Variants in KIF13A observed in about 807,000 individuals in gnomAD.
KIF13A encodes kinesin family member 13A.
KIF13A carries 79 observed loss-of-function variants against 212.2 expected under a neutral mutation model. That is an observed-to-expected ratio of 0.37 (90% CI 0.31 to 0.45). The LOEUF is 0.45. Ranked by LOEUF, KIF13A falls within the 20% of genes least tolerant of loss-of-function variation. KIF13A has a pLI of 1.00. For synonymous variants in KIF13A, 789 were observed against 808.6 expected (o/e 0.98, Z 0.41); for missense variants, 1,901 against 2,209.0 (o/e 0.86, Z 2.79).
rs1171300091 is a variant in KIF13A, at chr6:17,914,632, C to CA, written c.147-16453dup. ...AAAACAACACAGAGACGACTCTAGT[C>CA]ACGGGTCACAGGCATCAGGTAAAGT... On this transcript the variant is annotated intron_variant, in intron 2 of 38. Coordinates refer to ENST00000259711, the MANE Select transcript of KIF13A (RefSeq NM_022113.6). This position sits in a 1 kb window ranked among gnomAD's most constrained non-coding sequence, Gnocchi z 5.9. 2.0e-5 allele frequency among the ~76,000 whole-genome samples: 3 copies of CA among 152,104 alleles called. No individual in the cohort carries two copies. Among genetic ancestry groups the CA allele is most frequent in the Non-Finnish European group, 4.4e-5 (3 of 68,018 alleles).
chr6:17,793,345 G>T (rs1305707211), intron 25 of KIF13A, among the ~76,000 whole-genome samples: 1 of 152,014 alleles, frequency 6.6e-6, no homozygotes, highest in East Asian at 1.9e-4. Context: ...GCCTCCCAAA[G>T]TGCTGGGATT....
At chr6:17,985,632 C>CCGGGGGGGGGGGGGGGGGGGG (rs112580662) in intron 2 of KIF13A, among the ~76,000 whole-genome samples, 1 of 38,206 alleles carries the variant, frequency 2.6e-5, no homozygotes, top group South Asian at 7.7e-4. Context: ...ATGCAGTTTG[C>CCGGGGGGGGGGGGGGGGGGGG]GGGGGGGTGG....
chr6:17,780,433 G>A (rs1490598529), intron 31 of KIF13A, among the ~76,000 whole-genome samples: 2 of 152,186 alleles, frequency 1.3e-5, no homozygotes, highest in African/African-American at 4.8e-5. Flanking sequence ...CTTGGACCTG[G>A]CACTTAATCT....
chr6:17,761,511 G>A (rs1758585510), downstream of KIF13A, among the ~76,000 whole-genome samples: 1 of 151,934 alleles, frequency 6.6e-6, no homozygotes, highest in Non-Finnish European at 1.5e-5. Flanking sequence ...AGCCTCCCGA[G>A]TAGCTGGGAT....
At position 17,816,903 on chromosome 6, in the gene KIF13A, T is replaced by C; in HGVS notation, c.2000+117A>G. ...AAAAGCTAATTGGCAATATCACGTA[T>C]GGGATTAAGAGTTCTCTTGTTGCTA... On this transcript the variant is annotated intron_variant, in intron 17 of 38. Coordinates refer to ENST00000259711, the MANE Select transcript of KIF13A (RefSeq NM_022113.6). This position sits in a 1 kb window ranked among gnomAD's most constrained non-coding sequence, Gnocchi z 4.3. 1.4e-6 allele frequency: 1 copy of C among 715,840 alleles called. No individual in the cohort carries two copies. The highest frequency in any genetic ancestry group is 2.7e-5 in the East Asian group (1 of 36,952). The allele number at this position is 715,840 out of a possible 1,614,324, so 44.3% of individuals were successfully genotyped here.
In KIF13A at chr6:17,763,961, C is replaced by T. The variant is rs1315223957; in HGVS notation, c.*149G>A. 7.6e-6 allele frequency: 11 copies of T among 1,444,344 alleles called. No homozygotes were observed. The South Asian group carries it at 1.2e-4, about 16-fold the overall frequency. 89.5% of individuals were successfully genotyped at this position (1,444,344 alleles called of 1,614,324 possible). On this transcript the variant is annotated 3_prime_UTR_variant, in exon 39 of 39. Coordinates refer to ENST00000259711, the MANE Select transcript of KIF13A (RefSeq NM_022113.6). The stretch of plus-strand genomic sequence containing the variant: ...CACAATTGCGTTCTAGTTCCCAAAA[C>T]AGACTTGCTCTCCGACAGAGACAGC...
At chr6:17,795,288 T>C (rs2150325067) in intron 23 of KIF13A, among the ~76,000 whole-genome samples, 1 of 152,242 alleles carries the variant, frequency 6.6e-6, no homozygotes, top group Non-Finnish European at 1.5e-5. Context: ...AACACTGCCA[T>C]GAACATCGTA....
rs1465815668 is a variant in KIF13A, at chr6:17,926,342, C to T, written c.147-28162G>A. Among the ~76,000 whole-genome samples, 2 of 152,152 alleles carry T rather than the reference C, an allele frequency of 1.3e-5. No homozygotes were observed. The highest frequency in any genetic ancestry group is 1.9e-4 in the East Asian group (1 of 5,188). The stretch of plus-strand genomic sequence containing the variant: ...CTGTCTCCTGGGTTCAAGTGATTCT[C>T]GTGCCTCAGTCTCCCGAGTAGCTGG... On this transcript the variant is annotated intron_variant, in intron 2 of 38. Coordinates refer to ENST00000259711, the MANE Select transcript of KIF13A (RefSeq NM_022113.6). This position sits in a 1 kb window ranked among gnomAD's most constrained non-coding sequence, Gnocchi z 4.3.
intron 17 of KIF13A, among the ~76,000 whole-genome samples, chr6:17,810,336 C>T (rs1763325234): frequency 6.6e-6 from 1 of 152,248 alleles, no homozygotes; most frequent in Non-Finnish European, 1.5e-5. Context: ...TTCCTCGGCT[C>T]AAGGCCTTGC....
chr6:17,868,551 G>GT (rs550655003), intron 4 of KIF13A, among the ~76,000 whole-genome samples: 37,118 of 141,230 alleles, frequency 0.26, 4,746 homozygotes, highest in South Asian at 0.34. Context: ...GGTTATTTCT[G>GT]TTTTTTTTTT....
chr6:17,827,091 A>T (rs1013283213), intron 14 of KIF13A, among the ~76,000 whole-genome samples: 1 of 151,804 alleles, frequency 6.6e-6, no homozygotes, highest in African/African-American at 2.4e-5. Flanking sequence ...ATAAATAAAT[A>T]AAATAATTTT....
intron 2 of KIF13A, among the ~76,000 whole-genome samples, chr6:17,975,208 G>C (rs1270283955): frequency 6.6e-6 from 1 of 152,128 alleles, no homozygotes; most frequent in Non-Finnish European, 1.5e-5. Flanking sequence ...AAAAAAACTA[G>C]CAGGCGGGGT....
At chr6:17,910,174 G>A (rs1185770334) in intron 2 of KIF13A, among the ~76,000 whole-genome samples, 1 of 152,152 alleles carries the variant, frequency 6.6e-6, no homozygotes, top group South Asian at 2.1e-4. Context: ...ACAATAGTCC[G>A]TATTTAAAAA....
At chr6:17,881,385 C>A in intron 3 of KIF13A, 1 of 395,666 alleles carries the variant, frequency 2.5e-6, no homozygotes, top group Non-Finnish European at 4.8e-6. Context: ...TACAGTTAAA[C>A]TCCACTTTTA....
intron 2 of KIF13A, among the ~76,000 whole-genome samples, chr6:17,927,966 G>C (rs1704599651): frequency 6.6e-6 from 1 of 152,224 alleles, no homozygotes; most frequent in South Asian, 2.1e-4. Flanking sequence ...TCAGCCAGCT[G>C]ATATGTGAAA....
At chr6:17,983,426 CTCCCTTCACCCCACTCCA>C (rs1466246296) in intron 2 of KIF13A, among the ~76,000 whole-genome samples, 70 of 151,322 alleles carry the variant, frequency 4.6e-4, no homozygotes, top group African/African-American at 1.6e-3. Context: ...CATTCCATTG[CTCCCTTCACCCCACTCCA>C]TCCCTTCACC....
rs1771603352 is a variant in KIF13A, at chr6:17,886,951, A to AT, written c.159+11216dup. ...ATGATTTATAATGACAAAGTGTGGT[A>AT]TATTGCATTACTGTTCCAAATGATT... On this transcript the variant is annotated intron_variant, in intron 3 of 38. Transcript: ENST00000259711. This position sits in a 1 kb window ranked among gnomAD's most constrained non-coding sequence, Gnocchi z 5.6. 6.6e-6 allele frequency among the ~76,000 whole-genome samples: 1 copy of AT among 152,144 alleles called. No homozygotes were observed. Among genetic ancestry groups the AT allele is most frequent in the African/African-American group, 2.4e-5 (1 of 41,442 alleles).
In KIF13A at chr6:17,886,935, A is replaced by C. The variant is rs556608226; in HGVS notation, c.159+11233T>G. Reference sequence around the variant, plus strand: ...GGAAATTTTTAGAAGGATGATTTATAATGACAAAGTGTGGTATATTGCATT... The same window carrying C: ...GGAAATTTTTAGAAGGATGATTTATCATGACAAAGTGTGGTATATTGCATT... On this transcript the variant is annotated intron_variant, in intron 3 of 38. Coordinates refer to ENST00000259711, the MANE Select transcript of KIF13A (RefSeq NM_022113.6). The surrounding 1 kb of genome is among the most constrained non-coding windows in gnomAD (Gnocchi z 5.6). Among the ~76,000 whole-genome samples, 7 of 152,266 alleles carry C rather than the reference A, an allele frequency of 4.6e-5. No individual in the cohort carries two copies. Among genetic ancestry groups the C allele is most frequent in the Non-Finnish European group, 1.0e-4 (7 of 68,022 alleles).
At chr6:17,927,795 A>T (rs1296220652) in intron 2 of KIF13A, among the ~76,000 whole-genome samples, 1 of 152,220 alleles carries the variant, frequency 6.6e-6, no homozygotes, top group African/African-American at 2.4e-5. Context: ...GATGGTGAGG[A>T]TATGGGAGGC....
Sources: gnomAD v4.1 joint callset for allele counts (sites outside exome capture counted in the v4.1 genomes callset) on GRCh38, gnomAD v4.1.1 for gene constraint, Gnocchi (gnomAD v3.1) non-coding constraint, MANE v1.5 for transcripts, NCBI Gene and HGNC (gene_info 2026-07-23, HGNC 2026-07-21) for gene names.